Variants in GABRB3 observed in about 807,000 individuals in gnomAD.
GABRB3 encodes gamma-aminobutyric acid type A receptor subunit beta3, also known as gamma-aminobutyric acid receptor subunit beta-3.
In GABRB3, 14 loss-of-function variants were observed where a neutral mutation model predicts 52.1. The ratio of observed to expected loss-of-function variants is 0.27; its 90% CI spans 0.18 to 0.42. The LOEUF is 0.42. Among genes scored for constraint, GABRB3 ranks in the 10% least tolerant of loss-of-function variants. The pLI is 1.00. For synonymous variants in GABRB3, 260 were observed against 232.3 expected (o/e 1.12, Z -1.08); for missense variants, 307 against 609.1 (o/e 0.50, Z 5.22).
intron 3 of GABRB3, among the ~76,000 whole-genome samples, chr15:26,719,388 C>G (rs1316750504): frequency 6.6e-6 from 1 of 152,238 alleles, no homozygotes; most frequent in African/African-American, 2.4e-5. Flanking sequence ...CAATTTCACA[C>G]TTCAAATCAG....
chr15:26,725,081 A>G (rs60229432), intron 3 of GABRB3, among the ~76,000 whole-genome samples: 3,490 of 152,222 alleles, frequency 0.023, 122 homozygotes, highest in African/African-American at 0.078. Flanking sequence ...TTTCTAATTA[A>G]CTGCTGTCCC....
chr15:26,696,491 T>C (rs1162263834), intron 3 of GABRB3, among the ~76,000 whole-genome samples: 1 of 152,142 alleles, frequency 6.6e-6, no homozygotes, highest in Non-Finnish European at 1.5e-5. Context: ...TTACCTCCCA[T>C]ATACAGGTAA....
chr15:26,763,488 T>C (rs575758919), intron 3 of GABRB3, among the ~76,000 whole-genome samples: 3 of 152,146 alleles, frequency 2.0e-5, no homozygotes, highest in Non-Finnish European at 2.9e-5. Flanking sequence ...TGGCCTGATA[T>C]ATGGATTTAT....
intron 3 of GABRB3, among the ~76,000 whole-genome samples, chr15:26,670,289 G>C (rs527449499): frequency 6.6e-6 from 1 of 152,190 alleles, no homozygotes; most frequent in African/African-American, 2.4e-5. Context: ...GGGTAGGCGG[G>C]AAGAGGGGCC....
chr15:26,585,894 T>C (rs1324354652), intron 4 of GABRB3, among the ~76,000 whole-genome samples: 1 of 152,254 alleles, frequency 6.6e-6, no homozygotes, highest in African/African-American at 2.4e-5. Context: ...ACAAGATGCC[T>C]ATAATGCAAA....
chr15:26,685,136 G>A (rs975170958), intron 3 of GABRB3, among the ~76,000 whole-genome samples: 2 of 152,126 alleles, frequency 1.3e-5, no homozygotes, highest in South Asian at 2.1e-4. Flanking sequence ...AGCTCCAGGT[G>A]GTGACAAGTG....
intron 4 of GABRB3, among the ~76,000 whole-genome samples, chr15:26,610,565 A>G (rs951526096): frequency 4.6e-5 from 7 of 152,134 alleles, no homozygotes; most frequent in Non-Finnish European, 2.9e-5. Context: ...ATTCTTTAGA[A>G]TCTGGAGAAG....
At chr15:26,580,073 T>C (rs1890733143) in intron 6 of GABRB3, among the ~76,000 whole-genome samples, 1 of 152,174 alleles carries the variant, frequency 6.6e-6, no homozygotes, top group South Asian at 2.1e-4. Flanking sequence ...ATTGGTGAAA[T>C]TCATCCTCGG....
At chr15:26,768,385 T>C (rs1416377312) in intron 3 of GABRB3, among the ~76,000 whole-genome samples, 2 of 152,196 alleles carry the variant, frequency 1.3e-5, no homozygotes, top group Non-Finnish European at 2.9e-5. Flanking sequence ...ACATGTAACT[T>C]CTCCAAATTA....
chr15:26,773,330 C>A (rs1891214118), upstream of GABRB3, among the ~76,000 whole-genome samples: 1 of 150,614 alleles, frequency 6.6e-6, no homozygotes, highest in Non-Finnish European at 1.5e-5. Flanking sequence ...AGTGCGGGGG[C>A]GACCTGGGCC....
rs891974311 is a variant in GABRB3, at chr15:26,580,195, G to A, written c.682+124C>T. ...GAGAGGAGGGGTGTGTGTGATGTGT[G>A]AATGATAACAGCACTCCTTCCGATG... On this transcript the variant is annotated intron_variant, in intron 6 of 8. Transcript: ENST00000311550. The A allele has an allele frequency of 1.4e-5, 16 of 1,164,022 alleles. No homozygotes were observed. The Middle Eastern group carries it at 6.6e-4, about 48-fold the overall frequency. The allele number at this position is 1,164,022 out of a possible 1,614,324, so 72.1% of individuals were successfully genotyped here.
In GABRB3 at chr15:26,764,207, T is replaced by A. The variant is rs868862852; in HGVS notation, c.240+8195A>T. Reference sequence around the variant, plus strand: ...ATATATATATATATATATATATATATATATATATATATATATATATATATA... The same window carrying A: ...ATATATATATATATATATATATATAAATATATATATATATATATATATATA... On this transcript the variant is annotated intron_variant, in intron 3 of 8. Transcript: ENST00000311550. Among the ~76,000 whole-genome samples, 5 of 42,684 alleles carry A rather than the reference T, an allele frequency of 1.2e-4. 1 individual carries two copies. Among genetic ancestry groups the A allele is most frequent in the African/African-American group, 1.9e-4 (2 of 10,378 alleles). 28.0% of individuals were successfully genotyped at this position (42,684 alleles called of 152,430 possible).
chr15:26,549,749 C>A (rs552804338), intron 8 of GABRB3, among the ~76,000 whole-genome samples: 1 of 152,214 alleles, frequency 6.6e-6, no homozygotes, highest in South Asian at 2.1e-4. Context: ...GAGCCCATGG[C>A]AGGATGCAGT....
chr15:26,588,563 C>T lies in GABRB3; in HGVS notation c.462-5149G>A, dbSNP rs377644735. ...TGCTACATCTATATTACCTCTTTTA[C>T]CTTAAACATACAAGATACATTCAAC... On this transcript the variant is annotated intron_variant, in intron 4 of 8. Coordinates refer to ENST00000311550, the MANE Select transcript of GABRB3 (RefSeq NM_000814.6). 4.6e-5 allele frequency among the ~76,000 whole-genome samples: 7 copies of T among 152,176 alleles called. No individual in the cohort carries two copies. In the East Asian group the frequency reaches 1.4e-3, roughly 29 times the overall value.
rs529592474 is a variant in GABRB3 at position 26,698,555 on chromosome 15, A to G, written c.240+73847T>C. On this transcript the variant is annotated intron_variant, in intron 3 of 8. Coordinates refer to ENST00000311550, the MANE Select transcript of GABRB3 (RefSeq NM_000814.6). ...TTCTTTAAATGTTCAAAAGGATAAAAATAGAAAAGAGAAAAAATTTTAATG... is the reference window on the plus strand; with the variant it reads ...TTCTTTAAATGTTCAAAAGGATAAAGATAGAAAAGAGAAAAAATTTTAATG... Among the ~76,000 whole-genome samples the G allele has an allele frequency of 2.0e-5, 3 of 152,356 alleles. No individual in the cohort carries two copies. In the East Asian group the frequency reaches 5.8e-4, roughly 29 times the overall value.
intron 4 of GABRB3, among the ~76,000 whole-genome samples, chr15:26,601,738 C>G (rs940942350): frequency 6.6e-6 from 1 of 151,788 alleles, no homozygotes; most frequent in African/African-American, 2.4e-5. Context: ...TCATAGCAAC[C>G]TCAAATCAAA....
chr15:26,738,147 A>C (rs1053507841), intron 3 of GABRB3, among the ~76,000 whole-genome samples: 4 of 151,856 alleles, frequency 2.6e-5, no homozygotes, highest in African/African-American at 9.7e-5. Flanking sequence ...CAATGGTGTG[A>C]CCTCGGCTCA....
At chr15:26,766,882 T>A (rs1033088476) in intron 3 of GABRB3, among the ~76,000 whole-genome samples, 3 of 151,980 alleles carry the variant, frequency 2.0e-5, no homozygotes, top group African/African-American at 7.3e-5. Flanking sequence ...GCATGTAAGA[T>A]CCATTTTTTT....
chr15:26,751,011 T>G (rs1361573942), intron 3 of GABRB3, among the ~76,000 whole-genome samples: 1 of 152,206 alleles, frequency 6.6e-6, no homozygotes, highest in Non-Finnish European at 1.5e-5. Context: ...TCTAAAATTA[T>G]GTATTATAAA....
Sources: allele counts gnomAD v4.1 joint callset (sites outside exome capture counted in the v4.1 genomes callset), GRCh38; gene constraint gnomAD v4.1.1; transcripts MANE v1.5; gene names NCBI Gene and HGNC (gene_info 2026-07-23, HGNC 2026-07-21).